Variants in KLHL26 observed in about 807,000 individuals in gnomAD.
KLHL26 encodes kelch-like protein 26.
Under a neutral mutation model 7.1 loss-of-function variants are expected in KLHL26, and 4 were observed. The ratio of observed to expected loss-of-function variants is 0.56; its 90% CI spans 0.28 to 1.28. KLHL26 has a LOEUF of 1.28. KLHL26 is among the 50% of genes most tolerant of loss of function. KLHL26 has a pLI of 0.11. For missense variants in KLHL26, 896 were observed against 924.6 expected (o/e 0.97, Z 0.40); for synonymous variants, 465 against 414.1 (o/e 1.12, Z -1.49).
chr19:18,655,295 G>A (rs1043205035), intron 1 of KLHL26, among the ~76,000 whole-genome samples: 1 of 152,212 alleles, frequency 6.6e-6, no homozygotes, highest in African/African-American at 2.4e-5. Flanking sequence ...CATCCTCCCA[G>A]CTCAGGCAGA....
intron 1 of KLHL26, among the ~76,000 whole-genome samples, chr19:18,653,922 C>T: frequency 1.0e-5 from 1 of 100,380 alleles, no homozygotes; most frequent in African/African-American, 4.2e-5. Flanking sequence ...TCACCATCCA[C>T]CTGCCCTTCC....
At chr19:18,658,784 CCT>C in intron 1 of KLHL26, among the ~76,000 whole-genome samples, 1 of 147,520 alleles carries the variant, frequency 6.8e-6, no homozygotes, top group East Asian at 2.0e-4. Flanking sequence ...TATCTGTCTT[CCT>C]CTCTCTCTGG....
intron 1 of KLHL26, among the ~76,000 whole-genome samples, chr19:18,651,317 G>A (rs1164412676): frequency 6.6e-6 from 1 of 152,162 alleles, no homozygotes; most frequent in Non-Finnish European, 1.5e-5. Context: ...GGAAGGCTCT[G>A]ATTGGATCAG....
intron 1 of KLHL26, among the ~76,000 whole-genome samples, chr19:18,637,431 G>T (rs932388111): frequency 2.6e-5 from 4 of 152,094 alleles, no homozygotes; most frequent in African/African-American, 9.7e-5. Flanking sequence ...GTGGTGGGCC[G>T]TGGGGCAACT....
chr19:18,658,342 C>T (rs1463096556), intron 1 of KLHL26, among the ~76,000 whole-genome samples: 1 of 151,820 alleles, frequency 6.6e-6, no homozygotes, highest in African/African-American at 2.4e-5. Context: ...GGATTCCAGG[C>T]CCCCCACAGC....
intron 1 of KLHL26, chr19:18,644,815 G>A (rs994977369): frequency 2.0e-5 from 3 of 152,160 alleles, no homozygotes; most frequent in South Asian, 2.1e-4. Flanking sequence ...TTTGTCCCAC[G>A]AAGGTTTTGT....
At chr19:18,640,551 A>ATTTTTTTTTT (rs56247740) in intron 1 of KLHL26, among the ~76,000 whole-genome samples, 1 of 96,656 alleles carries the variant, frequency 1.0e-5, no homozygotes, top group Non-Finnish European at 2.0e-5. Context: ...CTATGTTTTA[A>ATTTTTTTTTT]TTTTTTTTTT....
intron 1 of KLHL26, among the ~76,000 whole-genome samples, chr19:18,662,873 G>A (rs1018331148): frequency 1.3e-5 from 2 of 152,070 alleles, no homozygotes; most frequent in African/African-American, 4.8e-5. Flanking sequence ...AGGGAGGAGG[G>A]GAGGTAAGCG....
intron 1 of KLHL26, among the ~76,000 whole-genome samples, chr19:18,660,941 A>G (rs1001108025): frequency 6.6e-6 from 1 of 152,182 alleles, no homozygotes. Context: ...CCCTGTAACC[A>G]GCAGTGGATG....
rs551264833 is a variant in KLHL26 at position 18,670,451 on chromosome 19, G to A, written c.*1206G>A. 1.3e-5 allele frequency: 2 copies of A among 152,194 alleles called. No homozygotes were observed. Among genetic ancestry groups the A allele is most frequent in the Non-Finnish European group, 2.9e-5 (2 of 68,016 alleles). 9.4% of individuals were successfully genotyped at this position (152,194 alleles called of 1,614,324 possible). ...TTAACCTCCTATCTTAGCAGACATCGTCTCCTAATATTTCCCTTTATTTAA... is the reference window on the plus strand; with the variant it reads ...TTAACCTCCTATCTTAGCAGACATCATCTCCTAATATTTCCCTTTATTTAA... On this transcript the variant is annotated 3_prime_UTR_variant, in exon 3 of 3. Coordinates refer to ENST00000300976, the MANE Select transcript of KLHL26 (RefSeq NM_018316.3).
rs779049187 is a variant in KLHL26 at position 18,669,038 on chromosome 19, C to G, written c.1641C>G (p.Ala547=). The part of the protein sequence containing the change: ...DQWTSVSPMR[A]GQSEAGCCLL... ...GGACCAGCGTGAGCCCCATGCGGGC[C>G]GGCCAGTCAGAGGCCGGCTGCTGCC... Residue 547 remains alanine (A), a synonymous_variant, in exon 3 of 3, where the codon GCC becomes GCG. Transcript: ENST00000300976. 1.2e-6 allele frequency: 2 copies of G among 1,612,736 alleles called. No homozygotes were observed.
intron 1 of KLHL26, among the ~76,000 whole-genome samples, chr19:18,661,264 G>A (rs2052389407): frequency 6.6e-6 from 1 of 152,062 alleles, no homozygotes; most frequent in African/African-American, 2.4e-5. Flanking sequence ...TGCCTTCTGG[G>A]TTCCGGGCAC....
Position 18,643,826 on chromosome 19 carries a change from T to G in KLHL26, c.83+6689T>G, listed in dbSNP as rs969940120. ...CCAGGCTGGTCTTGAACTCCTGGGC[T>G]CAAGTGATCTTCCTGCCATAGCCTC... On this transcript the variant is annotated intron_variant, in intron 1 of 2. Coordinates refer to ENST00000300976, the MANE Select transcript of KLHL26 (RefSeq NM_018316.3). 3.3e-5 allele frequency among the ~76,000 whole-genome samples: 5 copies of G among 152,242 alleles called. No individual in the cohort carries two copies. The East Asian group carries it at 9.6e-4, about 29-fold the overall frequency.
chr19:18,641,791 G>A (rs1326227720), intron 1 of KLHL26, among the ~76,000 whole-genome samples: 2 of 151,856 alleles, frequency 1.3e-5, no homozygotes, highest in East Asian at 1.9e-4. Flanking sequence ...ACCACACCCG[G>A]CTAATTTTTG....
chr19:18,638,475 T>A (rs1001031037), intron 1 of KLHL26, among the ~76,000 whole-genome samples: 1 of 152,180 alleles, frequency 6.6e-6, no homozygotes, highest in Non-Finnish European at 1.5e-5. Flanking sequence ...AGGAGGTGTG[T>A]GTCCAGAGGG....
intron 1 of KLHL26, among the ~76,000 whole-genome samples, chr19:18,658,858 C>A (rs993617547): frequency 6.6e-6 from 1 of 150,808 alleles, no homozygotes; most frequent in South Asian, 2.1e-4. Flanking sequence ...GTCTCTGTCT[C>A]CCTCTCTCCC....
chr19:18,648,553 G>T lies in KLHL26; in HGVS notation c.83+11416G>T, dbSNP rs1158965024. 1.3e-5 allele frequency among the ~76,000 whole-genome samples: 2 copies of T among 152,210 alleles called. No homozygotes were observed. Among genetic ancestry groups the T allele is most frequent in the Non-Finnish European group, 2.9e-5 (2 of 68,024 alleles). ...TTGGTCCCGCGCGGCTGCACTGCCT[G>T]CAACAAGCAGCAGACTTGGAGGCGC... is the stretch of plus-strand genomic sequence containing the variant. On this transcript the variant is annotated intron_variant, in intron 1 of 2. Coordinates refer to ENST00000300976, the MANE Select transcript of KLHL26 (RefSeq NM_018316.3). This position sits in a 1 kb window ranked among gnomAD's most constrained non-coding sequence, Gnocchi z 4.9.
At chr19:18,641,494 T>C (rs919435069) in intron 1 of KLHL26, among the ~76,000 whole-genome samples, 3 of 151,716 alleles carry the variant, frequency 2.0e-5, no homozygotes. Flanking sequence ...AATTTTTGTA[T>C]TTTTAGTGGA....
intron 2 of KLHL26, among the ~76,000 whole-genome samples, chr19:18,665,731 C>A (rs1177533379): frequency 1.2e-4 from 19 of 152,214 alleles, no homozygotes; most frequent in Admixed American, 1.2e-3. Context: ...TCCTCGCCAG[C>A]TGGGGGCTGT....
Sources: gnomAD v4.1 joint callset for allele counts (sites outside exome capture counted in the v4.1 genomes callset) on GRCh38, gnomAD v4.1.1 for gene constraint, Gnocchi (gnomAD v3.1) non-coding constraint, MANE v1.5 for transcripts, NCBI Gene and HGNC (gene_info 2026-07-23, HGNC 2026-07-21) for gene names.